SCFD2: variants seen among roughly 807,000 people sequenced by gnomAD.
SCFD2 encodes sec1 family domain containing 2.
SCFD2 carries 54 observed loss-of-function variants against 58.9 expected under a neutral mutation model. That is an observed-to-expected ratio of 0.92 (90% confidence interval 0.74 to 1.15). The LOEUF is 1.15. Ranked by LOEUF, SCFD2 falls within the 50% of genes most tolerant of loss-of-function variation. The probability of loss-of-function intolerance (pLI) is 0.00; values close to 1 mark genes in which losing one functional copy is unlikely to be tolerated. For missense variants in SCFD2, 805 were observed against 836.6 expected (o/e 0.96, Z 0.47); for synonymous variants, 321 against 335.9 (o/e 0.96, Z 0.49).
chr4:52,961,341 G>A (rs1720848756), intron 5 of SCFD2, among the ~76,000 whole-genome samples: 1 of 152,208 alleles, frequency 6.6e-6, no homozygotes. Context: ...ACTACCCAGA[G>A]AGGGATGAAC....
chr4:52,927,724 G>A (rs992886908), intron 5 of SCFD2, among the ~76,000 whole-genome samples: 5 of 152,176 alleles, frequency 3.3e-5, no homozygotes, highest in African/African-American at 7.2e-5. Flanking sequence ...ACTCAGCTGG[G>A]AAGAGCAGGT....
chr4:52,946,325 G>T (rs946230200), intron 5 of SCFD2, among the ~76,000 whole-genome samples: 2 of 152,004 alleles, frequency 1.3e-5, no homozygotes, highest in Non-Finnish European at 2.9e-5. Context: ...CATAGGAAAA[G>T]ATTCTAAAAT....
chr4:53,133,774 A>G (rs1374743378), intron 5 of SCFD2, among the ~76,000 whole-genome samples: 1 of 152,208 alleles, frequency 6.6e-6, no homozygotes, highest in South Asian at 2.1e-4. Context: ...CCTCATTCAC[A>G]GTTGATAAGA....
Position 53,081,056 on chromosome 4 carries a change from A to G in SCFD2, c.1561+64277T>C, listed in dbSNP as rs544385795. Among the ~76,000 whole-genome samples the G allele has an allele frequency of 3.1e-3, 474 of 152,310 alleles. 1 individual carries two copies. The highest frequency in any genetic ancestry group is 0.011 in the African/African-American group (440 of 41,582). ...GTATATTATTTCAATTACTTGTTGCAGACTACGATCCACCTCCTAATGCCC... is the reference window on the plus strand; with the variant it reads ...GTATATTATTTCAATTACTTGTTGCGGACTACGATCCACCTCCTAATGCCC... On this transcript the variant is annotated intron_variant, in intron 5 of 8. Transcript: ENST00000401642.
At position 53,072,867 on chromosome 4, in the gene SCFD2, T is replaced by C. The variant is rs1723862631; in HGVS notation, c.1561+72466A>G. On this transcript the variant is annotated intron_variant, in intron 5 of 8. Transcript: ENST00000401642. ...TGTGTGTCCGCATCCTAGTTTTCTG[T>C]GGCCACAAGACAATGAATCTCAGGT... Among the ~76,000 whole-genome samples the C allele has an allele frequency of 2.6e-5, 4 of 152,216 alleles. No individual in the cohort carries two copies. In the South Asian group the frequency reaches 8.3e-4, roughly 32 times the overall value.
At chr4:53,341,263 T>C (rs1429511446) in intron 2 of SCFD2, among the ~76,000 whole-genome samples, 1 of 152,166 alleles carries the variant, frequency 6.6e-6, no homozygotes, top group Non-Finnish European at 1.5e-5. Context: ...AGTACTTAAA[T>C]GACCTGGTGG....
chr4:53,145,259 A>T (rs554318116), intron 5 of SCFD2, 74 bp downstream of exon 5: 1 of 1,547,050 alleles, frequency 6.5e-7, no homozygotes, highest in African/African-American at 1.4e-5. Context: ...TCCTCTTCCC[A>T]AAACAGTATT....
intron 4 of SCFD2, among the ~76,000 whole-genome samples, chr4:53,244,432 A>T (rs1729998368): frequency 6.6e-6 from 1 of 152,200 alleles, no homozygotes. Flanking sequence ...ATTCAAGACC[A>T]AGAAAATCAC....
intron 5 of SCFD2, among the ~76,000 whole-genome samples, chr4:53,073,962 T>C (rs1723897993): frequency 6.6e-6 from 1 of 152,166 alleles, no homozygotes; most frequent in Non-Finnish European, 1.5e-5. Flanking sequence ...AAAGTTGGGA[T>C]AGTTGTGGCA....
At chr4:53,072,686 C>G (rs886190546) in intron 5 of SCFD2, among the ~76,000 whole-genome samples, 1 of 152,226 alleles carries the variant, frequency 6.6e-6, no homozygotes, top group Non-Finnish European at 1.5e-5. Flanking sequence ...CTTTTGCACC[C>G]TATGTAAATC....
intron 4 of SCFD2, among the ~76,000 whole-genome samples, chr4:53,248,958 T>A (rs1159294286): frequency 6.6e-6 from 1 of 152,208 alleles, no homozygotes; most frequent in Non-Finnish European, 1.5e-5. Flanking sequence ...GGACGGAGAA[T>A]GACTTTGATG....
chr4:53,179,062 T>G (rs558874427), intron 4 of SCFD2, among the ~76,000 whole-genome samples: 1 of 152,206 alleles, frequency 6.6e-6, no homozygotes, highest in African/African-American at 2.4e-5. Context: ...TGGAACCAAG[T>G]TGGAAAACAC....
intron 7 of SCFD2, among the ~76,000 whole-genome samples, chr4:52,906,527 A>C (rs1719352405): frequency 6.6e-6 from 1 of 152,192 alleles, no homozygotes; most frequent in Non-Finnish European, 1.5e-5. Context: ...AAAATATAGA[A>C]GGAAAATGCA....
rs1724801775 is a variant in SCFD2 at position 53,100,487 on chromosome 4, C to CATA, written c.1561+44843_1561+44845dup. Among the ~76,000 whole-genome samples, 5 of 152,246 alleles carry CATA rather than the reference C, an allele frequency of 3.3e-5. 1 individual carries two copies. The South Asian group carries it at 1.0e-3, about 32-fold the overall frequency. ...TTCATAACGTGATTATTTAATTAGC[C>CATA]ATAAGAACCACTTCCTATCCACGCT... On this transcript the variant is annotated intron_variant, in intron 5 of 8. Coordinates refer to ENST00000401642, the MANE Select transcript of SCFD2 (RefSeq NM_152540.4).
chr4:52,999,456 G>A (rs1458850180), intron 5 of SCFD2, among the ~76,000 whole-genome samples: 4 of 152,218 alleles, frequency 2.6e-5, no homozygotes, highest in Admixed American at 6.5e-5. Context: ...AGAGGGAACT[G>A]TGGGAGGTAT....
At chr4:53,106,575 A>G (rs1484779473) in intron 5 of SCFD2, among the ~76,000 whole-genome samples, 2 of 152,236 alleles carry the variant, frequency 1.3e-5, no homozygotes, top group Non-Finnish European at 2.9e-5. Context: ...AAGCATACAC[A>G]AGTATCAATA....
At chr4:52,884,528 T>G (rs1172641490) in intron 8 of SCFD2, among the ~76,000 whole-genome samples, 1 of 152,190 alleles carries the variant, frequency 6.6e-6, no homozygotes, top group Non-Finnish European at 1.5e-5. Flanking sequence ...CATACCCAGC[T>G]TGGCAGTGTG....
At chr4:53,121,862 G>A (rs949448673) in intron 5 of SCFD2, among the ~76,000 whole-genome samples, 1 of 148,442 alleles carries the variant, frequency 6.7e-6, no homozygotes, top group Admixed American at 6.7e-5. Flanking sequence ...TTACCCGTGT[G>A]ATTTTTTTAA....
At chr4:53,272,204 A>G (rs1362083399) in intron 4 of SCFD2, among the ~76,000 whole-genome samples, 1 of 152,184 alleles carries the variant, frequency 6.6e-6, no homozygotes, top group Non-Finnish European at 1.5e-5. Flanking sequence ...TCAGGAAACA[A>G]CAGGTGCTGG....
Sources: gnomAD v4.1 joint callset for allele counts (sites outside exome capture counted in the v4.1 genomes callset) on GRCh38, gnomAD v4.1.1 for gene constraint, MANE v1.5 for transcripts, NCBI Gene and HGNC (gene_info 2026-07-23, HGNC 2026-07-21) for gene names.